Variants in ATMIN observed in about 807,000 individuals in gnomAD.
The protein encoded by ATMIN is ATM INteracting protein.
Under a neutral mutation model 49.2 loss-of-function variants are expected in ATMIN, and 24 were observed. The observed-to-expected ratio is 0.49, with a 90% CI of 0.35 to 0.69. ATMIN has a LOEUF of 0.69. Ranked by LOEUF, ATMIN falls within the 30% of genes least tolerant of loss-of-function variation. ATMIN has a pLI of 0.00. For missense variants in ATMIN, 1,037 were observed against 1,005.5 expected (o/e 1.03, Z -0.42); for synonymous variants, 450 against 392.5 (o/e 1.15, Z -1.73).
At chr16:81,040,830 T>G in intron 1 of ATMIN, 1 of 155,526 alleles carries the variant, frequency 6.4e-6, no homozygotes, top group South Asian at 1.9e-4. Context: ...AGACTGAAGG[T>G]CTAGAAATTA....
rs1401199936 is a variant in ATMIN, at chr16:81,035,887, C to T, written c.17C>T (p.Ala6Val). 1.7e-5 allele frequency: 15 copies of T among 857,200 alleles called. No homozygotes were observed. Among genetic ancestry groups the T allele is most frequent in the South Asian group, 1.0e-4 (2 of 19,684 alleles). 53.1% of individuals were successfully genotyped at this position (857,200 alleles called of 1,614,324 possible). ...GCGGGAGCCATGGCGGCCTCGGAGG[C>T]GGCGGCGGCGGCGGGGTCCGCGGCT... Reference protein sequence around the residue: MAASEAAAAAGSAALA... With the variant: MAASEVAAAAGSAALA... The change falls in exon 1 of 4, where the codon GCG becomes GTG. Residue 6 changes from alanine (A) to valine (V), a missense_variant. Ala to Val is a moderately conservative substitution (Grantham distance 64, BLOSUM62 0). Coordinates refer to ENST00000299575, the MANE Select transcript of ATMIN (RefSeq NM_015251.3).
intron 1 of ATMIN, chr16:81,041,034 G>T: frequency 3.6e-6 from 1 of 276,592 alleles, no homozygotes; most frequent in South Asian, 3.8e-5. Flanking sequence ...CAGGAATCTT[G>T]TAGTGATCCT....
Position 81,044,549 on chromosome 16 carries a change from A to C in ATMIN, c.2051A>C (p.Gln684Pro), listed in dbSNP as rs901036594. 7 of 1,614,040 alleles carry C rather than the reference A, an allele frequency of 4.3e-6. No homozygotes were observed. The African/African-American group carries it at 6.7e-5, about 15-fold the overall frequency. The change falls in exon 4 of 4, where the codon CAG becomes CCG. Residue 684 changes from glutamine (Q) to proline (P), a missense_variant. By Grantham distance (76) the Gln-to-Pro change is moderately conservative. Transcript: ENST00000299575. ...TDFLLADTSA[Q>P]SYGCRGNSNF... ...TTCTTACTCGCAGATACCTCTGCTC[A>C]GTCCTATGGGTGTAGGGGAAATTCT...
At chr16:81,041,590 G>GAC in intron 2 of ATMIN, 109 bp downstream of exon 2, 12 of 1,400,626 alleles carry the variant, frequency 8.6e-6, no homozygotes, top group Non-Finnish European at 9.7e-6. Flanking sequence ...TGTGAGGGGA[G>GAC]ATGCCTGCGT....
chr16:81,043,039 T>C (rs912460550), intron 3 of ATMIN, 122 bp from the exon 4 acceptor site: 20 of 1,222,674 alleles, frequency 1.6e-5, no homozygotes, highest in Non-Finnish European at 1.8e-5. Flanking sequence ...ATTTATCTTG[T>C]CTGGGTTGAA....
At chr16:81,038,187 G>C (rs1970978023) in intron 1 of ATMIN, among the ~76,000 whole-genome samples, 1 of 152,012 alleles carries the variant, frequency 6.6e-6, no homozygotes. Flanking sequence ...CTGGAGTGCA[G>C]TGGCGCCATC....
Position 81,042,323 on chromosome 16 carries a change from A to C in ATMIN, c.505A>C (p.Lys169Gln). The stretch of plus-strand genomic sequence containing the variant: ...TGCTGAGAAGAAGCACAAATGTAGT[A>C]AGTGCAGCAATTCGTACGGTACAGA... ...MHAEKKHKCSKCSNSYGTEWD... is the reference protein window; with the variant it reads ...MHAEKKHKCSQCSNSYGTEWD... The change falls in exon 3 of 4, where the codon AAG (lysine) becomes CAG (glutamine). Residue 169 changes from lysine to glutamine, a missense_variant. Coordinates refer to ENST00000299575, the MANE Select transcript of ATMIN (RefSeq NM_015251.3). The C allele has an allele frequency of 6.2e-7, 1 of 1,614,058 alleles. No individual in the cohort carries two copies. The highest frequency in any genetic ancestry group is 8.5e-7 in the Non-Finnish European group (1 of 1,180,018).
chr16:81,038,215 C>T (rs1429842277), intron 1 of ATMIN, among the ~76,000 whole-genome samples: 2 of 152,052 alleles, frequency 1.3e-5, no homozygotes, highest in Admixed American at 6.5e-5. Flanking sequence ...ACTGCAACCT[C>T]TGCCTCCCAG....
In ATMIN at chr16:81,043,539, A is replaced by G. The variant is rs144337812; in HGVS notation, c.1041A>G (p.Ser347=). 668 of 1,614,072 alleles carry G rather than the reference A, an allele frequency of 4.1e-4. 1 individual carries two copies. In the African/African-American group the frequency reaches 6.0e-3, roughly 15 times the overall value. Residue 347 remains serine (S), a synonymous_variant, in exon 4 of 4, where the codon TCA becomes TCG. Coordinates refer to ENST00000299575, the MANE Select transcript of ATMIN (RefSeq NM_015251.3). ...GGGCTGTGCACTTAATGCCCTTGTC[A>G]GTAGGAACCCTGATCCTCGGCCTAG... ...ATGAVHLMPL[S]VGTLILGLDS...
chr16:81,041,235 G>A, intron 1 of ATMIN, 121 bp from the exon 2 acceptor site: 1 of 1,109,960 alleles, frequency 9.0e-7, no homozygotes, highest in African/African-American at 1.6e-5. Flanking sequence ...GACACTAGAT[G>A]GAAAAACTCT....
chr16:81,038,225 G>C (rs1482920434), intron 1 of ATMIN, among the ~76,000 whole-genome samples: 1 of 151,986 alleles, frequency 6.6e-6, no homozygotes, highest in South Asian at 2.1e-4. Context: ...CTGCCTCCCA[G>C]GTTCAAGCGA....
chr16:81,036,777 C>T (rs865976597), intron 1 of ATMIN, among the ~76,000 whole-genome samples: 10 of 152,140 alleles, frequency 6.6e-5, no homozygotes, highest in African/African-American at 2.2e-4. Context: ...ACATGTTAAA[C>T]ACTCTGACTT....
chr16:81,037,565 T>C (rs961034703), intron 1 of ATMIN: 12 of 879,094 alleles, frequency 1.4e-5, no homozygotes, highest in Admixed American at 1.2e-4. Flanking sequence ...ACTCTGGGAA[T>C]GGCTTTCAAC....
intron 1 of ATMIN, among the ~76,000 whole-genome samples, chr16:81,039,979 A>G (rs947491685): frequency 6.6e-6 from 1 of 152,220 alleles, no homozygotes; most frequent in African/African-American, 2.4e-5. Context: ...TAGAGTAGCT[A>G]GACAGACAGT....
At chr16:81,042,602 A>G in intron 3 of ATMIN, 122 bp downstream of exon 3, 2 of 1,051,148 alleles carry the variant, frequency 1.9e-6, no homozygotes, top group Non-Finnish European at 1.4e-6. Flanking sequence ...GTGACGTGGA[A>G]GAAGGAAGCT....
chr16:81,043,067 A>G, intron 3 of ATMIN, 94 bp from the exon 4 acceptor site: 1 of 1,434,328 alleles, frequency 7.0e-7, no homozygotes, highest in Non-Finnish European at 9.4e-7. Flanking sequence ...TCTGCTATAG[A>G]TGGGGGAAAT....
In ATMIN at chr16:81,044,980, T is replaced by G. The variant is rs745675435; in HGVS notation, c.*10T>G. On this transcript the variant is annotated 3_prime_UTR_variant, in exon 4 of 4. Transcript: ENST00000299575. ...AGTCTCCAACTTCTAAAACTAACGG[T>G]GGAGTCCATGTGTGAAATGGCATCT... The G allele has an allele frequency of 6.2e-7, 1 of 1,606,116 alleles. No homozygotes were observed. Among genetic ancestry groups the G allele is most frequent in the South Asian group, 1.1e-5 (1 of 90,510 alleles).
chr16:81,039,139 G>A (rs79603321), intron 1 of ATMIN, among the ~76,000 whole-genome samples: 17,100 of 152,088 alleles, frequency 0.11, 1,296 homozygotes, highest in African/African-American at 0.22. Context: ...ACTGGAAGAA[G>A]GTAGGGGTAA....
intron 2 of ATMIN, 29 bp from the exon 3 acceptor site, chr16:81,042,252 C>T (rs1241566318): frequency 1.2e-6 from 2 of 1,602,028 alleles, no homozygotes; most frequent in Non-Finnish European, 1.7e-6. Context: ...TGCTGTTTTT[C>T]ACCTTAGTCC....
Sources: gnomAD v4.1 joint callset for allele counts (sites outside exome capture counted in the v4.1 genomes callset) on GRCh38, gnomAD v4.1.1 for gene constraint, MANE v1.5 for transcripts, NCBI Gene and HGNC (gene_info 2026-07-23, HGNC 2026-07-21) for gene names.